Variants in CACNA1A observed in about 807,000 individuals in gnomAD.
CACNA1A encodes calcium voltage-gated channel subunit alpha1 A.
Under a neutral mutation model 262.4 loss-of-function variants are expected in CACNA1A, and 57 were observed. The ratio of observed to expected loss-of-function variants is 0.22; its 90% CI spans 0.18 to 0.27. The LOEUF (loss-of-function observed/expected upper bound fraction) is 0.27. Among genes scored for constraint, CACNA1A ranks in the 10% least tolerant of loss-of-function variants. CACNA1A has a pLI of 1.00. For synonymous variants in CACNA1A, 1,431 were observed against 1,419.3 expected (o/e 1.01, Z -0.18); for missense variants, 2,526 against 3,562.8 (o/e 0.71, Z 7.41).
chr19:13,438,535 A>G (rs2060654145), intron 3 of CACNA1A, among the ~76,000 whole-genome samples: 2 of 152,218 alleles, frequency 1.3e-5, no homozygotes, highest in Admixed American at 6.5e-5. Flanking sequence ...GGAGTGGAGC[A>G]CAGTCATTCC....
intron 46 of CACNA1A, among the ~76,000 whole-genome samples, chr19:13,208,361 TAGC>T (rs1210549994): frequency 1.3e-5 from 2 of 151,746 alleles, no homozygotes; most frequent in Non-Finnish European, 2.9e-5. Context: ...GGGTTAAAAA[TAGC>T]AGAAGTTTCA....
At chr19:13,437,517 CCT>C (rs1272616741) in intron 3 of CACNA1A, among the ~76,000 whole-genome samples, 5 of 151,788 alleles carry the variant, frequency 3.3e-5, no homozygotes, top group African/African-American at 1.2e-4. Flanking sequence ...ATGGCGAAAC[CCT>C]GTCTCTACTA....
At chr19:13,234,687 G>C in intron 34 of CACNA1A, 4 of 520,636 alleles carry the variant, frequency 7.7e-6, no homozygotes, top group Non-Finnish European at 1.4e-5. Context: ...CACCAGAAAA[G>C]GAGGAGGAGG....
intron 17 of CACNA1A, among the ~76,000 whole-genome samples, chr19:13,303,046 G>C (rs1600281653): frequency 6.6e-6 from 1 of 152,096 alleles, no homozygotes; most frequent in African/African-American, 2.4e-5. Context: ...TTGGCTAAGG[G>C]GAGGCTCCAG....
Position 13,417,548 on chromosome 19 carries a change from T to A in CACNA1A, c.539+35328A>T, listed in dbSNP as rs544570274. Among the ~76,000 whole-genome samples the A allele has an allele frequency of 4.6e-5, 7 of 152,286 alleles. No individual in the cohort carries two copies. In the East Asian group the frequency reaches 1.4e-3, roughly 29 times the overall value. On this transcript the variant is annotated intron_variant, in intron 3 of 46. Transcript: ENST00000360228. ...CTGTTTATGCCTCACTTTCTGGGGA[T>A]GAACTGGCCTGGGCTTCTGCAATAA...
intron 38 of CACNA1A, among the ~76,000 whole-genome samples, chr19:13,218,878 C>T (rs1211147211): frequency 1.3e-5 from 2 of 152,140 alleles, no homozygotes; most frequent in African/African-American, 4.8e-5. Flanking sequence ...GTTGGGATTA[C>T]AGGGGTCTGG....
At chr19:13,383,264 C>T (rs945211843) in intron 3 of CACNA1A, among the ~76,000 whole-genome samples, 1 of 152,142 alleles carries the variant, frequency 6.6e-6, no homozygotes, top group Non-Finnish European at 1.5e-5. Context: ...GCCCCTAGGG[C>T]TTCCAATGGA....
intron 6 of CACNA1A, among the ~76,000 whole-genome samples, chr19:13,340,424 ATTTTT>A (rs34472942): frequency 8.9e-6 from 1 of 111,944 alleles, no homozygotes; most frequent in Admixed American, 9.5e-5. Context: ...AGAGAGGTCT[ATTTTT>A]TTTTTTTTTT....
At chr19:13,252,967 C>T (rs201617627) in intron 30 of CACNA1A, 24 bp downstream of exon 30, 73 of 1,491,872 alleles carry the variant, frequency 4.9e-5, no homozygotes, top group Non-Finnish European at 6.7e-5. Context: ...AAGCCCATAG[C>T]TGTAGCCCCA....
chr19:13,374,426 TTTTTG>T (rs2059372054), intron 3 of CACNA1A, among the ~76,000 whole-genome samples: 1 of 152,062 alleles, frequency 6.6e-6, no homozygotes, highest in Non-Finnish European at 1.5e-5. Context: ...TAAAAAATTT[TTTTTG>T]TAGAGATGGG....
chr19:13,303,448 G>GCCCCCACCCCCACCCCCA (rs899443049), intron 17 of CACNA1A, 98 bp downstream of exon 17: 1 of 205,246 alleles, frequency 4.9e-6, no homozygotes, highest in Non-Finnish European at 9.6e-6. Flanking sequence ...CTGTTCCCAT[G>GCCCCCACCCCCACCCCCA]CCCCCACCCC....
chr19:13,244,041 G>A (rs796971441), intron 31 of CACNA1A: 3 of 152,344 alleles, frequency 2.0e-5, no homozygotes, highest in African/African-American at 7.2e-5. Context: ...AAAGGTTGGG[G>A]TGTTTCTCCC....
chr19:13,245,506 G>A, intron 30 of CACNA1A: 1 of 543,452 alleles, frequency 1.8e-6, no homozygotes. Flanking sequence ...TCCAGACCCT[G>A]CTTCAGCTCC....
intron 1 of CACNA1A, among the ~76,000 whole-genome samples, chr19:13,490,692 G>GAAAGAAAGAAA (rs1980678235): frequency 1.1e-3 from 144 of 132,700 alleles, no homozygotes; most frequent in African/African-American, 4.0e-3. Context: ...GAGAAAGAAA[G>GAAAGAAAGAAA]GAAAGAAAGA....
At chr19:13,234,048 T>TC (rs1555737724) in intron 34 of CACNA1A, among the ~76,000 whole-genome samples, 2 of 102,332 alleles carry the variant, frequency 2.0e-5, no homozygotes, top group Non-Finnish European at 3.7e-5. Flanking sequence ...AGACTCCATC[T>TC]AAAAAAAAAA....
chr19:13,406,128 C>G (rs912915141), intron 3 of CACNA1A, among the ~76,000 whole-genome samples: 2 of 151,560 alleles, frequency 1.3e-5, no homozygotes, highest in Non-Finnish European at 2.9e-5. Flanking sequence ...CCTGCCTGGT[C>G]AACATAGTGA....
At position 13,426,090 on chromosome 19, in the gene CACNA1A, G is replaced by T. The variant is rs570147831; in HGVS notation, c.539+26786C>A. On this transcript the variant is annotated intron_variant, in intron 3 of 46. Coordinates refer to ENST00000360228, the MANE Select transcript of CACNA1A (RefSeq NM_001127222.2). ...AACAAAACAAAAAATAGTGTCCCAT[G>T]GAAAATGAGCTTCACACAACCAAAG... Among the ~76,000 whole-genome samples, 5 of 151,874 alleles carry T rather than the reference G, an allele frequency of 3.3e-5. No homozygotes were observed. In the South Asian group the frequency reaches 1.0e-3, roughly 32 times the overall value.
chr19:13,501,470 G>A (rs933859851), intron 1 of CACNA1A, among the ~76,000 whole-genome samples: 4 of 151,900 alleles, frequency 2.6e-5, no homozygotes, highest in Admixed American at 2.0e-4. Flanking sequence ...CACCAGACCC[G>A]GCCCCTATAA....
At position 13,212,363 on chromosome 19, in the gene CACNA1A, G is replaced by T. The variant is rs1019174541; in HGVS notation, c.6189+21C>A. ...CCACCCGGGCCCTGGGAGCCATTGG[G>T]GAGTTGGGGGACAGAGGCACCTGAG... On this transcript the variant is annotated intron_variant, in intron 42 of 46. Coordinates refer to ENST00000360228, the MANE Select transcript of CACNA1A (RefSeq NM_001127222.2). The surrounding 1 kb of genome is among the most constrained non-coding windows in gnomAD (Gnocchi z 5.6). 2 of 1,613,372 alleles carry T rather than the reference G, an allele frequency of 1.2e-6. No individual in the cohort carries two copies. Among genetic ancestry groups the T allele is most frequent in the Non-Finnish European group, 8.5e-7 (1 of 1,179,668 alleles).
Sources: gnomAD v4.1 joint callset for allele counts (sites outside exome capture counted in the v4.1 genomes callset) on GRCh38, gnomAD v4.1.1 for gene constraint, Gnocchi (gnomAD v3.1) non-coding constraint, MANE v1.5 for transcripts, NCBI Gene and HGNC (gene_info 2026-07-23, HGNC 2026-07-21) for gene names.